The following ADSS2 variants were observed in gnomAD, a reference collection of about 807,000 sequenced individuals.
ADSS2 encodes adenylosuccinate synthetase isozyme 2.
Under a neutral mutation model 60.0 loss-of-function variants are expected in ADSS2, and 30 were observed. The observed-to-expected ratio is 0.50, with a 90% CI of 0.37 to 0.68. ADSS2 has a LOEUF of 0.68. Ranked by LOEUF, ADSS2 falls within the 30% of genes least tolerant of loss-of-function variation. The pLI, the probability that ADSS2 is intolerant of heterozygous loss-of-function variation, is 0.00. For missense variants in ADSS2, 373 were observed against 554.8 expected (o/e 0.67, Z 3.29); for synonymous variants, 187 against 193.1 (o/e 0.97, Z 0.26).
chr1:244,417,815 T>C, intron 9 of ADSS2, 63 bp from the exon 10 acceptor site: 1 of 1,508,870 alleles, frequency 6.6e-7, no homozygotes, highest in Non-Finnish European at 9.1e-7. Flanking sequence ...GGTGGAATAA[T>C]ATATGCTAGA....
At chr1:244,440,274 T>C (rs1031620314) in intron 1 of ADSS2, among the ~76,000 whole-genome samples, 4 of 152,196 alleles carry the variant, frequency 2.6e-5, no homozygotes, top group African/African-American at 9.7e-5. Context: ...AATTGAATGT[T>C]ACAACTTTTA....
intron 3 of ADSS2, among the ~76,000 whole-genome samples, chr1:244,434,291 G>A (rs537290338): frequency 4.0e-5 from 6 of 151,838 alleles, no homozygotes; most frequent in Admixed American, 1.3e-4. Context: ...AGAAGGTAGA[G>A]GCTCACTACT....
Position 244,432,591 on chromosome 1 carries a change from T to C in ADSS2, c.360A>G (p.Leu120=). ...AEKNVQKGKG[L]EGWEKRLIIS... is the part of the protein sequence containing the mutation. Reference sequence around the variant, plus strand: ...TAATAAGCCTTTTTTCCCAGCCTTCTAGTCCTAGAAAGGGGAAAAAGATAT... The same window carrying C: ...TAATAAGCCTTTTTTCCCAGCCTTCCAGTCCTAGAAAGGGGAAAAAGATAT... The change falls in exon 4 of 13, where the codon CTA becomes CTG. Residue 120 remains leucine (L), a synonymous_variant. Transcript: ENST00000366535. 6.4e-7 allele frequency: 1 copy of C among 1,573,038 alleles called. No individual in the cohort carries two copies. The highest frequency in any genetic ancestry group is 1.2e-5 in the South Asian group (1 of 85,038).
chr1:244,450,527 A>G (rs1665526731), intron 1 of ADSS2, among the ~76,000 whole-genome samples: 1 of 152,252 alleles, frequency 6.6e-6, no homozygotes, highest in African/African-American at 2.4e-5. Context: ...AAGGGGGCCT[A>G]TAACTTACTA....
intron 11 of ADSS2, among the ~76,000 whole-genome samples, chr1:244,412,464 G>A (rs1393518457): frequency 1.3e-5 from 2 of 152,198 alleles, no homozygotes; most frequent in African/African-American, 2.4e-5. Flanking sequence ...TGGCAATGAG[G>A]ACTGCCACTG....
At chr1:244,437,537 G>T in intron 2 of ADSS2, 129 bp downstream of exon 2, 2 of 693,860 alleles carry the variant, frequency 2.9e-6, no homozygotes, top group Non-Finnish European at 5.0e-6. Flanking sequence ...AGGTATCAAG[G>T]TCAAAATTAA....
chr1:244,443,813 T>TGGCAGGGA (rs1304758439), intron 1 of ADSS2, among the ~76,000 whole-genome samples: 1 of 152,194 alleles, frequency 6.6e-6, no homozygotes, highest in African/African-American at 2.4e-5. Context: ...ACAAGCCACG[T>TGGCAGGGA]GGCAGGGAGG....
At chr1:244,419,709 A>G (rs1443454926) in intron 8 of ADSS2, among the ~76,000 whole-genome samples, 1 of 152,204 alleles carries the variant, frequency 6.6e-6, no homozygotes, top group Non-Finnish European at 1.5e-5. Flanking sequence ...GTTAAGCATT[A>G]ATTAACCTTT....
Position 244,424,356 on chromosome 1 carries a change from G to C in ADSS2, c.438C>G (p.Ile146Met), listed in dbSNP as rs988807807. ...CTTGTTCTTGTCTCTGTTGTTCCTG[G>C]ATACCATCAGCTGCTTGATGAAAAT... ...VFDFHQAADG[I>M]QEQQRQEQAG... The change falls in exon 5 of 13, where the codon ATC becomes ATG. Residue 146 changes from isoleucine (I) to methionine (M), a missense_variant. By Grantham distance (10) the Ile-to-Met change is conservative. Around this residue, in one of 5 missense-constraint regions of ADSS2, gnomAD observed 139 missense variants for 189.4 expected, o/e 0.73. Transcript: ENST00000366535. The C allele has an allele frequency of 6.2e-7, 1 of 1,613,154 alleles. No homozygotes were observed.
chr1:244,450,406 GAAAACAAAAC>G (rs1665517790), intron 1 of ADSS2, among the ~76,000 whole-genome samples: 1 of 152,206 alleles, frequency 6.6e-6, no homozygotes. Context: ...ATTTCTAAAT[GAAAACAAAAC>G]AAAACGAAAC....
intron 12 of ADSS2, among the ~76,000 whole-genome samples, chr1:244,410,453 C>T (rs1013625762): frequency 1.3e-5 from 2 of 152,182 alleles, no homozygotes; most frequent in Admixed American, 6.5e-5. Context: ...CTAACTCCCT[C>T]GCCATCTTAT....
intron 11 of ADSS2, among the ~76,000 whole-genome samples, chr1:244,413,196 C>T (rs879529168): frequency 1.3e-5 from 2 of 152,188 alleles, no homozygotes; most frequent in Non-Finnish European, 2.9e-5. Flanking sequence ...TGGGACTATC[C>T]TCTCATGATG....
At chr1:244,449,734 A>T (rs1434003127) in intron 1 of ADSS2, among the ~76,000 whole-genome samples, 1 of 152,238 alleles carries the variant, frequency 6.6e-6, no homozygotes, top group East Asian at 1.9e-4. Context: ...TAGTTAAGTC[A>T]AAAATACACA....
intron 3 of ADSS2, among the ~76,000 whole-genome samples, chr1:244,434,156 G>A: frequency 7.2e-6 from 1 of 138,420 alleles, no homozygotes. Flanking sequence ...CAGCCTGGGT[G>A]ACACAGAAAG....
At position 244,409,789 on chromosome 1, in the gene ADSS2, G is replaced by A. The variant is rs578179399; in HGVS notation, c.1319-151C>T. On this transcript the variant is annotated intron_variant, in intron 12 of 12. Coordinates refer to ENST00000366535, the MANE Select transcript of ADSS2 (RefSeq NM_001126.5). ...CTGTTCTCTATTCTGTTAGCAGACTGTGCCGATTTCTAAACAGGATGTACA... is the reference window on the plus strand; with the variant it reads ...CTGTTCTCTATTCTGTTAGCAGACTATGCCGATTTCTAAACAGGATGTACA... 29 of 634,084 alleles carry A rather than the reference G, an allele frequency of 4.6e-5. 1 individual carries two copies. In the Admixed American group the frequency reaches 6.1e-4, roughly 13 times the overall value. 39.3% of individuals were successfully genotyped at this position (634,084 alleles called of 1,614,324 possible).
chr1:244,424,085 T>C, intron 5 of ADSS2, 25 bp from the exon 6 acceptor site: 14 of 1,587,074 alleles, frequency 8.8e-6, no homozygotes, highest in Non-Finnish European at 1.2e-5. Context: ...CAAACAAGCT[T>C]TAAGTCAGAC....
rs745907311 is a variant in ADSS2, at chr1:244,424,084, T to C, written c.474-24A>G. ...AACTTAAAAACAAATCCAAACAAGC[T>C]TTAAGTCAGACAAGAAAGATGTAGG... On this transcript the variant is annotated intron_variant, in intron 5 of 12. Transcript: ENST00000366535. The C allele has an allele frequency of 2.5e-6, 4 of 1,587,826 alleles. No individual in the cohort carries two copies. The African/African-American group carries it at 5.4e-5, about 22-fold the overall frequency.
chr1:244,443,062 A>T (rs541841453), intron 1 of ADSS2, among the ~76,000 whole-genome samples: 1 of 152,338 alleles, frequency 6.6e-6, no homozygotes, highest in East Asian at 1.9e-4. Context: ...ATGTGCCAGG[A>T]TGAGCAACAG....
intron 1 of ADSS2, among the ~76,000 whole-genome samples, chr1:244,450,083 A>G (rs1665496649): frequency 6.6e-6 from 1 of 152,242 alleles, no homozygotes; most frequent in African/African-American, 2.4e-5. Flanking sequence ...ATGTCAGTGA[A>G]GGAGACACAC....
Sources: gnomAD v4.1 joint callset for allele counts (sites outside exome capture counted in the v4.1 genomes callset) on GRCh38, gnomAD v4.1.1 for gene constraint, gnomAD v4.1.1 regional missense constraint, MANE v1.5 for transcripts, NCBI Gene and HGNC (gene_info 2026-07-23, HGNC 2026-07-21) for gene names.